Variants in KCNJ3 observed in about 807,000 individuals in gnomAD.
KCNJ3 encodes G protein-activated inward rectifier potassium channel 1.
KCNJ3 carries 4 observed loss-of-function variants against 39.2 expected under a neutral mutation model. That is an observed-to-expected ratio of 0.10 (90% CI 0.05 to 0.23). The LOEUF is 0.23. Ranked by LOEUF, KCNJ3 falls within the 10% of genes least tolerant of loss-of-function variation. KCNJ3 has a pLI of 1.00. For synonymous variants in KCNJ3, 230 were observed against 237.4 expected (o/e 0.97, Z 0.29); for missense variants, 276 against 634.9 (o/e 0.43, Z 6.08).
Position 154,699,489 on chromosome 2 carries a change from C to T in KCNJ3, c.702+12C>T. On this transcript the variant is annotated intron_variant, in intron 1 of 2. Coordinates refer to ENST00000295101, the MANE Select transcript of KCNJ3 (RefSeq NM_002239.4). The surrounding 1 kb of genome is among the most constrained non-coding windows in gnomAD (Gnocchi z 6.4). The stretch of plus-strand genomic sequence containing the variant: ...GCAAGCTGCTCAAAGTAAGTGCTCC[C>T]CGCCCCTTCCCCACCGGGAGACCTG... 6.4e-7 allele frequency: 1 copy of T among 1,558,400 alleles called. No individual in the cohort carries two copies. Among genetic ancestry groups the T allele is most frequent in the Non-Finnish European group, 8.6e-7 (1 of 1,157,146 alleles).
intron 2 of KCNJ3, among the ~76,000 whole-genome samples, chr2:154,818,621 TA>T (rs1320032466): frequency 6.6e-6 from 1 of 152,126 alleles, no homozygotes; most frequent in Non-Finnish European, 1.5e-5. Context: ...GTCATACACC[TA>T]AAAAAATGTC....
At chr2:154,804,097 A>G (rs1330921865) in intron 2 of KCNJ3, among the ~76,000 whole-genome samples, 1 of 152,162 alleles carries the variant, frequency 6.6e-6, no homozygotes, top group Non-Finnish European at 1.5e-5. Context: ...TGGCTATTAT[A>G]AAGACATAGC....
intron 2 of KCNJ3, among the ~76,000 whole-genome samples, chr2:154,792,807 T>C (rs534302561): frequency 6.6e-6 from 1 of 152,238 alleles, no homozygotes; most frequent in East Asian, 1.9e-4. Context: ...ATTTGCTTAG[T>C]TTATCATGCT....
At chr2:154,839,420 C>T (rs1163934504) in intron 2 of KCNJ3, among the ~76,000 whole-genome samples, 2 of 152,118 alleles carry the variant, frequency 1.3e-5, no homozygotes, top group Non-Finnish European at 2.9e-5. Flanking sequence ...TTTATAGTAG[C>T]ATGGTTTATA....
intron 2 of KCNJ3, among the ~76,000 whole-genome samples, chr2:154,710,385 A>AT (rs1685082274): frequency 6.6e-6 from 1 of 152,006 alleles, no homozygotes; most frequent in African/African-American, 2.4e-5. Flanking sequence ...TCAAAAAGAT[A>AT]TTTTTTTCTT....
At chr2:154,758,929 G>A (rs1432660880) in intron 2 of KCNJ3, among the ~76,000 whole-genome samples, 1 of 152,144 alleles carries the variant, frequency 6.6e-6, no homozygotes, top group Non-Finnish European at 1.5e-5. Flanking sequence ...TTTCTTCAGG[G>A]CATTATGTTT....
At chr2:154,851,197 C>G (rs1461440281) in intron 2 of KCNJ3, among the ~76,000 whole-genome samples, 1 of 151,854 alleles carries the variant, frequency 6.6e-6, no homozygotes, top group Non-Finnish European at 1.5e-5. Context: ...AGCTATGATC[C>G]CACCACTGCA....
chr2:154,773,798 A>G (rs1011963406), intron 2 of KCNJ3, among the ~76,000 whole-genome samples: 1 of 152,170 alleles, frequency 6.6e-6, no homozygotes, highest in Non-Finnish European at 1.5e-5. Context: ...TATGTAAATT[A>G]TATCTACTAA....
intron 2 of KCNJ3, among the ~76,000 whole-genome samples, chr2:154,785,549 T>A (rs1208919840): frequency 6.6e-6 from 1 of 152,142 alleles, no homozygotes; most frequent in Non-Finnish European, 1.5e-5. Context: ...AGTGTGTTAG[T>A]TACTAGGGGA....
intron 2 of KCNJ3, among the ~76,000 whole-genome samples, chr2:154,718,304 C>A (rs1295147168): frequency 1.3e-5 from 2 of 152,128 alleles, no homozygotes; most frequent in East Asian, 3.9e-4. Flanking sequence ...TCTAAAGCAA[C>A]TTTTTATGAG....
chr2:154,817,252 C>A (rs1687099465), intron 2 of KCNJ3, among the ~76,000 whole-genome samples: 1 of 152,128 alleles, frequency 6.6e-6, no homozygotes, highest in Admixed American at 6.6e-5. Context: ...CACTTTATTT[C>A]ATCACAGTGT....
At chr2:154,759,592 G>A (rs763717143) in intron 2 of KCNJ3, among the ~76,000 whole-genome samples, 1 of 151,862 alleles carries the variant, frequency 6.6e-6, no homozygotes, top group Non-Finnish European at 1.5e-5. Context: ...GATAGATAGA[G>A]ATACATATCT....
chr2:154,733,640 T>C, intron 2 of KCNJ3, among the ~76,000 whole-genome samples: 1 of 152,174 alleles, frequency 6.6e-6, no homozygotes, highest in East Asian at 1.9e-4. Context: ...CTGAAATTAC[T>C]GGGTAAAAAG....
intron 2 of KCNJ3, among the ~76,000 whole-genome samples, chr2:154,850,239 T>C (rs1463067236): frequency 6.6e-6 from 1 of 151,958 alleles, no homozygotes; most frequent in East Asian, 1.9e-4. Context: ...CTTTGAATAA[T>C]AGTAGTCACT....
At chr2:154,820,202 C>T (rs1009897159) in intron 2 of KCNJ3, among the ~76,000 whole-genome samples, 1 of 152,116 alleles carries the variant, frequency 6.6e-6, no homozygotes, top group African/African-American at 2.4e-5. Context: ...CAGGATCCAA[C>T]CCAGGATCCC....
At chr2:154,721,858 T>C (rs1026009571) in intron 2 of KCNJ3, among the ~76,000 whole-genome samples, 4 of 152,186 alleles carry the variant, frequency 2.6e-5, no homozygotes, top group East Asian at 1.9e-4. Flanking sequence ...TGGAATGATC[T>C]GGAATATGTT....
intron 2 of KCNJ3, among the ~76,000 whole-genome samples, chr2:154,718,581 T>C (rs1685217910): frequency 6.6e-6 from 1 of 152,180 alleles, no homozygotes. Flanking sequence ...TCAATTTAAT[T>C]GAGAAGTTTA....
At chr2:154,782,934 T>TG (rs1686463993) in intron 2 of KCNJ3, among the ~76,000 whole-genome samples, 2 of 152,162 alleles carry the variant, frequency 1.3e-5, no homozygotes, top group Admixed American at 1.3e-4. Context: ...CCCAGTACTT[T>TG]GGGAGGCCAA....
intron 2 of KCNJ3, among the ~76,000 whole-genome samples, chr2:154,768,403 A>G (rs1183220886): frequency 1.3e-5 from 2 of 152,144 alleles, no homozygotes; most frequent in East Asian, 3.9e-4. Flanking sequence ...CTTTCTACAT[A>G]TGGCTAGCCA....
Sources: allele counts gnomAD v4.1 joint callset (sites outside exome capture counted in the v4.1 genomes callset), GRCh38; gene constraint gnomAD v4.1.1; non-coding constraint Gnocchi (gnomAD v3.1); transcripts MANE v1.5; gene names NCBI Gene and HGNC (gene_info 2026-07-23, HGNC 2026-07-21).